DCP1A: variants seen among roughly 807,000 people sequenced by gnomAD.
DCP1A encodes the protein decapping mRNA 1A.
In DCP1A, 20 loss-of-function variants were observed where a neutral mutation model predicts 58.0. That is an observed-to-expected ratio of 0.34 (90% CI 0.24 to 0.50). The LOEUF (loss-of-function observed/expected upper bound fraction) is 0.50. Among genes scored for constraint, DCP1A ranks in the 20% least tolerant of loss-of-function variants. DCP1A has a pLI of 0.98. For synonymous variants in DCP1A, 285 were observed against 275.1 expected (o/e 1.04, Z -0.36); for missense variants, 613 against 712.2 (o/e 0.86, Z 1.59).
At chr3:53,347,281 C>A in intron 1 of DCP1A, 102 bp downstream of exon 1, 15 of 1,352,210 alleles carry the variant, frequency 1.1e-5, no homozygotes, top group Non-Finnish European at 1.4e-5. Flanking sequence ...TCTCCACCGC[C>A]CTGGCCTCTT....
intron 4 of DCP1A, among the ~76,000 whole-genome samples, chr3:53,318,400 C>T (rs1257198527): frequency 6.6e-6 from 1 of 152,046 alleles, no homozygotes; most frequent in Non-Finnish European, 1.5e-5. Flanking sequence ...TGATTGAAAA[C>T]TGTAAGAGAG....
chr3:53,292,124 G>A lies in DCP1A; in HGVS notation c.1328C>T (p.Ala443Val), dbSNP rs1553686078. 6.2e-7 allele frequency: 1 copy of A among 1,613,820 alleles called. No individual in the cohort carries two copies. The highest frequency in any genetic ancestry group is 8.5e-7 in the Non-Finnish European group (1 of 1,179,860). The change falls in exon 7 of 10, where the codon GCA (alanine) becomes GTA (valine). Residue 443 changes from alanine (A) to valine (V), a missense_variant. Around this residue, in one of 3 missense-constraint regions of DCP1A, gnomAD observed 498 missense variants for 556.7 expected, o/e 0.89. Transcript: ENST00000610213. ...GGAGGCTGAGGCCGCCACTCTTGCT[G>A]CTGCTGTCTTAGAGGGAGGCTCTAT... Reference protein sequence around the residue: ...SFIEPPSKTAAARVAASASLS... With the variant: ...SFIEPPSKTAVARVAASASLS...
chr3:53,339,047 T>C (rs2089162107), intron 3 of DCP1A, among the ~76,000 whole-genome samples: 1 of 152,198 alleles, frequency 6.6e-6, no homozygotes, highest in African/African-American at 2.4e-5. Context: ...CACAAGAGAA[T>C]GGCAGAAGTG....
At chr3:53,297,357 C>CTTTT (rs1174431632) in intron 6 of DCP1A, among the ~76,000 whole-genome samples, 1 of 138,372 alleles carries the variant, frequency 7.2e-6, no homozygotes, top group African/African-American at 2.7e-5. Flanking sequence ...AACACTAATT[C>CTTTT]TTTTTTTTTT....
intron 4 of DCP1A, among the ~76,000 whole-genome samples, chr3:53,314,802 G>A (rs1426423953): frequency 6.6e-6 from 1 of 150,710 alleles, no homozygotes; most frequent in Non-Finnish European, 1.5e-5. Context: ...CTCCCTAGTA[G>A]CTGGGATTAC....
At chr3:53,297,442 C>A (rs530928830) in intron 6 of DCP1A, among the ~76,000 whole-genome samples, 4 of 151,710 alleles carry the variant, frequency 2.6e-5, no homozygotes, top group African/African-American at 9.7e-5. Context: ...CTCACTGCAA[C>A]CTCCACCTCC....
At chr3:53,310,525 G>A (rs1707614150) in intron 5 of DCP1A, among the ~76,000 whole-genome samples, 1 of 152,140 alleles carries the variant, frequency 6.6e-6, no homozygotes, top group African/African-American at 2.4e-5. Flanking sequence ...GACTTACTAG[G>A]TACCTATGAG....
In DCP1A at chr3:53,315,750, TTTTTTTG is replaced by T. The variant is rs1332047730; in HGVS notation, c.372-3378_372-3372del. Among the ~76,000 whole-genome samples the T allele has an allele frequency of 2.6e-4, 27 of 105,362 alleles. 1 individual carries two copies. The highest frequency in any genetic ancestry group is 9.7e-4 in the Admixed American group (9 of 9,266). 69.1% of individuals were successfully genotyped at this position (105,362 alleles called of 152,430 possible). A position where few individuals can be genotyped will look rare whatever the true frequency, so the allele number is the denominator to read the frequency against. ...TGGAGTAAATCAGTTTGTTGTTTTT[TTTTTTTG>T]TTTTTTTTTTTTTTGAGACGGAGTC... is the stretch of plus-strand genomic sequence containing the variant. On this transcript the variant is annotated intron_variant, in intron 4 of 9. Transcript: ENST00000610213.
intron 3 of DCP1A, among the ~76,000 whole-genome samples, chr3:53,337,726 T>C (rs1390684041): frequency 6.6e-6 from 1 of 152,218 alleles, no homozygotes; most frequent in African/African-American, 2.4e-5. Flanking sequence ...AAGCCAAAGC[T>C]TCCCAAGTAG....
intron 4 of DCP1A, among the ~76,000 whole-genome samples, chr3:53,313,468 C>G (rs1386321559): frequency 6.6e-6 from 1 of 151,796 alleles, no homozygotes; most frequent in Non-Finnish European, 1.5e-5. Context: ...TAAGAACACC[C>G]CCTTCTCCCT....
intron 6 of DCP1A, among the ~76,000 whole-genome samples, chr3:53,303,088 C>G (rs1707361500): frequency 6.6e-6 from 1 of 151,738 alleles, no homozygotes; most frequent in Non-Finnish European, 1.5e-5. Context: ...TAGCTGGGAC[C>G]ACAGGTGCAT....
intron 5 of DCP1A, among the ~76,000 whole-genome samples, chr3:53,307,702 G>T (rs1168771717): frequency 1.3e-5 from 2 of 152,120 alleles, no homozygotes; most frequent in African/African-American, 2.4e-5. Flanking sequence ...ACCTGCTGGA[G>T]GGTGATTTTA....
At chr3:53,342,371 T>A in intron 2 of DCP1A, 100 bp from the exon 3 acceptor site, 1 of 903,060 alleles carries the variant, frequency 1.1e-6, no homozygotes, top group Non-Finnish European at 1.6e-6. Context: ...AAGAATGCAT[T>A]AGAACATTAT....
At chr3:53,301,818 G>A (rs1317827068) in intron 6 of DCP1A, among the ~76,000 whole-genome samples, 5 of 152,172 alleles carry the variant, frequency 3.3e-5, no homozygotes, top group Admixed American at 1.3e-4. Context: ...TCAGTGAAAT[G>A]TTCAGGAATT....
intron 4 of DCP1A, among the ~76,000 whole-genome samples, chr3:53,318,846 T>C (rs1165667715): frequency 6.6e-6 from 1 of 152,214 alleles, no homozygotes; most frequent in Non-Finnish European, 1.5e-5. Context: ...CAGATGTGTG[T>C]ATGAGTTCTC....
intron 6 of DCP1A, among the ~76,000 whole-genome samples, chr3:53,300,649 T>G (rs1553687314): frequency 6.6e-6 from 1 of 152,044 alleles, no homozygotes; most frequent in African/African-American, 2.4e-5. Context: ...GATTCTTTTT[T>G]TTGTTGTTGG....
At chr3:53,299,771 A>C (rs1200257513) in intron 6 of DCP1A, among the ~76,000 whole-genome samples, 2 of 152,226 alleles carry the variant, frequency 1.3e-5, no homozygotes, top group Non-Finnish European at 2.9e-5. Context: ...GTGGCGGCTG[A>C]TGATAAATTT....
intron 3 of DCP1A, among the ~76,000 whole-genome samples, chr3:53,335,148 A>T (rs1402157625): frequency 1.3e-5 from 2 of 149,366 alleles, no homozygotes; most frequent in Non-Finnish European, 3.0e-5. Flanking sequence ...ATTTTTATTT[A>T]TTTATTTTTT....
At chr3:53,326,981 C>CT (rs1553690633) in intron 3 of DCP1A, among the ~76,000 whole-genome samples, 5 of 150,366 alleles carry the variant, frequency 3.3e-5, no homozygotes, top group African/African-American at 1.2e-4. Context: ...GTCCAACCCC[C>CT]CCCCCCCAAC....
Sources: allele counts gnomAD v4.1 joint callset (sites outside exome capture counted in the v4.1 genomes callset), GRCh38; gene constraint gnomAD v4.1.1; regional missense constraint gnomAD v4.1.1; transcripts MANE v1.5; gene names NCBI Gene and HGNC (gene_info 2026-07-23, HGNC 2026-07-21).